Variants in SYNE1 observed in about 807,000 individuals in gnomAD.
SYNE1 encodes the protein nesprin-1.
In SYNE1, 616 loss-of-function variants were observed where a neutral mutation model predicts 1,111.0. That is an observed-to-expected ratio of 0.55 (90% CI 0.52 to 0.59). The LOEUF (loss-of-function observed/expected upper bound fraction) is 0.59. SYNE1 is among the 20% of genes least tolerant of loss of function. SYNE1 has a pLI of 0.00. For missense variants in SYNE1, 10,006 were observed against 10,417.0 expected (o/e 0.96, Z 1.72); for synonymous variants, 3,855 against 3,825.8 (o/e 1.01, Z -0.28).
intron 41 of SYNE1, among the ~76,000 whole-genome samples, chr6:152,414,563 C>A (rs756590642): frequency 6.6e-6 from 1 of 151,456 alleles, no homozygotes; most frequent in African/African-American, 2.4e-5. Context: ...TTATTATCCC[C>A]ACCTTACAAG....
chr6:152,287,607 C>A (rs999500309), intron 95 of SYNE1, among the ~76,000 whole-genome samples: 2 of 152,174 alleles, frequency 1.3e-5, no homozygotes, highest in Admixed American at 1.3e-4. Context: ...GAGTCAGTGG[C>A]AAGATCTTGG....
intron 115 of SYNE1, 109 bp downstream of exon 115, chr6:152,230,438 T>TTG (rs2082525852): frequency 8.0e-7 from 1 of 1,251,068 alleles, no homozygotes; most frequent in African/African-American, 1.5e-5. Flanking sequence ...AAATGCAACT[T>TTG]TTAAATATTT....
intron 67 of SYNE1, among the ~76,000 whole-genome samples, chr6:152,354,313 A>G (rs2096796258): frequency 6.6e-6 from 1 of 152,220 alleles, no homozygotes; most frequent in Admixed American, 6.5e-5. Flanking sequence ...AATAAAACTA[A>G]TTCTCAAGTA....
intron 40 of SYNE1, among the ~76,000 whole-genome samples, chr6:152,417,334 T>C (rs1304315818): frequency 2.0e-5 from 3 of 152,104 alleles, no homozygotes; most frequent in African/African-American, 7.2e-5. Context: ...CCGTCTCTAC[T>C]AAGAGTACAA....
At chr6:152,352,489 G>A (rs1056865317) in intron 69 of SYNE1, 136 bp from the exon 70 acceptor site, 55 of 883,984 alleles carry the variant, frequency 6.2e-5, no homozygotes, top group South Asian at 2.0e-4. Flanking sequence ...TGCAACTTCC[G>A]CCTCCTGGGT....
chr6:152,313,038 G>A (rs1470783229), intron 87 of SYNE1, among the ~76,000 whole-genome samples: 1 of 152,124 alleles, frequency 6.6e-6, no homozygotes, highest in African/African-American at 2.4e-5. Flanking sequence ...GAAAAGAAAT[G>A]CATCCACCTT....
chr6:152,200,431 G>T (rs1441407438), intron 127 of SYNE1, among the ~76,000 whole-genome samples: 2 of 152,078 alleles, frequency 1.3e-5, no homozygotes, highest in African/African-American at 4.8e-5. Context: ...TACAGACAGG[G>T]TCTCACTCTG....
At chr6:152,234,995 C>T (rs2083661464) in intron 110 of SYNE1, among the ~76,000 whole-genome samples, 195 bp from the exon 111 acceptor site, 1 of 152,152 alleles carries the variant, frequency 6.6e-6, no homozygotes, top group Non-Finnish European at 1.5e-5. Context: ...TTTCCGCTGG[C>T]CTGTCTTTAA....
chr6:152,177,695 T>C lies in SYNE1; in HGVS notation c.23461-1135A>G, dbSNP rs189673665. On this transcript the variant is annotated intron_variant, in intron 129 of 145. Transcript: ENST00000367255. ...CAACACAATGGGATTCAAAGACCAA[T>C]ACGTTGAATGTATTTATTAACATTA... Among the ~76,000 whole-genome samples the C allele has an allele frequency of 2.0e-5, 3 of 152,306 alleles. No individual in the cohort carries two copies. The East Asian group carries it at 5.8e-4, about 29-fold the overall frequency.
intron 4 of SYNE1, among the ~76,000 whole-genome samples, chr6:152,530,052 AG>A (rs1440984748): frequency 2.0e-5 from 3 of 152,214 alleles, no homozygotes; most frequent in African/African-American, 7.2e-5. Flanking sequence ...TCAAGGTCTC[AG>A]GCATAGAAAA....
At chr6:152,288,737 G>A (rs775654815) in intron 95 of SYNE1, among the ~76,000 whole-genome samples, 20 of 152,166 alleles carry the variant, frequency 1.3e-4, no homozygotes, top group Admixed American at 3.9e-4. Context: ...GTAGAGACAA[G>A]GTTTCACCAT....
At chr6:152,272,703 G>A (rs12200050) in intron 98 of SYNE1, among the ~76,000 whole-genome samples, 10,151 of 152,176 alleles carry the variant, frequency 0.067, 378 homozygotes, top group Middle Eastern at 0.099. Flanking sequence ...AGGAATGGAG[G>A]TAAGAGGTAT....
At chr6:152,488,546 T>A in intron 11 of SYNE1, 43 bp from the exon 12 acceptor site, 1 of 1,027,506 alleles carries the variant, frequency 9.7e-7, no homozygotes, top group Non-Finnish European at 1.5e-6. Context: ...TATCTGTGCA[T>A]TTATTTAATT....
chr6:152,390,336 T>C lies in SYNE1; in HGVS notation c.8121A>G (p.Leu2707=), dbSNP rs757539486. ...KEGQRVIQTQ[L]ETLKEVWADI... The stretch of plus-strand genomic sequence containing the variant: ...CAGCCCACACTTCTTTAAGGGTCTC[T>C]AACTGAGTCTGAATCACCCTCTGAC... The change falls in exon 53 of 146, where the codon TTA becomes TTG. Residue 2707 remains leucine, a synonymous_variant. Coordinates refer to ENST00000367255, the MANE Select transcript of SYNE1 (RefSeq NM_182961.4). The C allele has an allele frequency of 1.2e-6, 2 of 1,614,156 alleles. No homozygotes were observed. Among genetic ancestry groups the C allele is most frequent in the Non-Finnish European group, 1.7e-6 (2 of 1,180,004 alleles).
In SYNE1 at chr6:152,373,118, C is replaced by T; in HGVS notation, c.9426G>A (p.Gly3142=). The T allele has an allele frequency of 6.2e-7, 1 of 1,614,070 alleles. No homozygotes were observed. The highest frequency in any genetic ancestry group is 8.5e-7 in the Non-Finnish European group (1 of 1,180,020). ...STLLTKEKAK[G]IQAKVTAAKE... is the part of the protein sequence containing the mutation. The stretch of plus-strand genomic sequence containing the variant: ...TTGCAGCTGTAACTTTGGCCTGGAT[C>T]CCTTTCGCTTTCTCTTTGGTCAGCA... Residue 3142 remains glycine, a synonymous_variant, in exon 59 of 146, where the codon GGG becomes GGA. Coordinates refer to ENST00000367255, the MANE Select transcript of SYNE1 (RefSeq NM_182961.4).
rs753312097 is a variant in SYNE1, at chr6:152,369,465, C to T, written c.9651+6G>A. 6.2e-7 allele frequency: 1 copy of T among 1,614,138 alleles called. No homozygotes were observed. Among genetic ancestry groups the T allele is most frequent in the South Asian group, 1.1e-5 (1 of 91,090 alleles). ...AGATGGGGCTACGGGGAGGCGGGCTCATCACCTGGAGCTTCTGCTGCTCCC... is the reference window on the plus strand; with the variant it reads ...AGATGGGGCTACGGGGAGGCGGGCTTATCACCTGGAGCTTCTGCTGCTCCC... On this transcript the variant is annotated splice_donor_region_variant and intron_variant, in intron 60 of 145. Transcript: ENST00000367255.
chr6:152,471,485 C>G, intron 16 of SYNE1, 112 bp downstream of exon 16: 1 of 1,040,408 alleles, frequency 9.6e-7, no homozygotes, highest in Non-Finnish European at 1.5e-6. Flanking sequence ...ATTTAACACA[C>G]GCTATCTTTA....
At chr6:152,296,963 C>A (rs1296770805) in intron 93 of SYNE1, among the ~76,000 whole-genome samples, 1 of 152,176 alleles carries the variant, frequency 6.6e-6, no homozygotes, top group Non-Finnish European at 1.5e-5. Context: ...TCTAACAGCT[C>A]CCCTGGCTCT....
chr6:152,300,110 A>G (rs375390152), intron 93 of SYNE1, among the ~76,000 whole-genome samples: 3 of 152,334 alleles, frequency 2.0e-5, no homozygotes. Context: ...TTATTGAAAG[A>G]TAAGTTAAAC....
Sources: gnomAD v4.1 joint callset for allele counts (sites outside exome capture counted in the v4.1 genomes callset) on GRCh38, gnomAD v4.1.1 for gene constraint, MANE v1.5 for transcripts, NCBI Gene and HGNC (gene_info 2026-07-23, HGNC 2026-07-21) for gene names.